OXNAD1: variants seen among roughly 807,000 people sequenced by gnomAD.
OXNAD1 encodes the protein oxidoreductase NAD binding domain containing 1.
In OXNAD1, 34 loss-of-function variants were observed where a neutral mutation model predicts 32.9. The ratio of observed to expected loss-of-function variants is 1.03; its 90% confidence interval spans 0.79 to 1.38. OXNAD1 has a LOEUF of 1.38. Among genes scored for constraint, OXNAD1 ranks in the 40% most tolerant of loss-of-function variants. OXNAD1 has a pLI of 0.00. For synonymous variants in OXNAD1, 134 were observed against 135.2 expected (o/e 0.99, Z 0.06); for missense variants, 407 against 379.4 (o/e 1.07, Z -0.60).
chr3:16,335,351 G>C lies in OXNAD1; in HGVS notation c.*31-1761G>C, dbSNP rs954336723. ...GCTGAGTGGGAAGGAATCAGCCCTT[G>C]GACAATCCTGCATGGGAAACAGGCT... On this transcript the variant is annotated intron_variant, in intron 9 of 9. Coordinates refer to the OXNAD1 transcript ENST00000435829. This position sits in a 1 kb window ranked among gnomAD's most constrained non-coding sequence, Gnocchi z 4.7. Among the ~76,000 whole-genome samples the C allele has an allele frequency of 4.6e-5, 7 of 152,158 alleles. No homozygotes were observed. The highest frequency in any genetic ancestry group is 1.4e-4 in the African/African-American group (6 of 41,424).
At chr3:16,319,873 A>C (rs949075135) in intron 9 of OXNAD1, among the ~76,000 whole-genome samples, 1 of 152,192 alleles carries the variant, frequency 6.6e-6, no homozygotes, top group African/African-American at 2.4e-5. Context: ...AAGGCAGGCA[A>C]GTCCAGCCTG....
In OXNAD1 at chr3:16,334,484, C is replaced by T. The variant is rs1351106442; in HGVS notation, c.*31-2628C>T. 6.6e-6 allele frequency among the ~76,000 whole-genome samples: 1 copy of T among 152,190 alleles called. No homozygotes were observed. Among genetic ancestry groups the T allele is most frequent in the Non-Finnish European group, 1.5e-5 (1 of 68,042 alleles). ...TGGAGAGCGGTCTGCAGTAGCAAGA[C>T]ACTGGAAACTACTCAAGTGCCCATC... On this transcript the variant is annotated intron_variant, in intron 9 of 9. Transcript: ENST00000435829. This position sits in a 1 kb window ranked among gnomAD's most constrained non-coding sequence, Gnocchi z 4.3.
At position 16,322,250 on chromosome 3, in the gene OXNAD1, T is replaced by C. The variant is rs2069147191; in HGVS notation, c.*31-14862T>C. 6.6e-6 allele frequency among the ~76,000 whole-genome samples: 1 copy of C among 152,194 alleles called. No homozygotes were observed. The highest frequency in any genetic ancestry group is 2.1e-4 in the South Asian group (1 of 4,824). On this transcript the variant is annotated intron_variant, in intron 9 of 9. Transcript: ENST00000435829. The surrounding 1 kb of genome is among the most constrained non-coding windows in gnomAD (Gnocchi z 6.2). ...CCTGTCACATTACACCTTCAGAGCCTGGAGAAAGACCTTCCTCCACACTCC... is the reference window on the plus strand; with the variant it reads ...CCTGTCACATTACACCTTCAGAGCCCGGAGAAAGACCTTCCTCCACACTCC...
At position 16,345,791 on chromosome 3, in the gene OXNAD1, T is replaced by TGG. The variant is rs2071625419; in HGVS notation, c.*31-3384_*31-3383insGG. On this transcript the variant is annotated intron_variant, in intron 9 of 9. Transcript: ENST00000606098. The surrounding 1 kb of genome is among the most constrained non-coding windows in gnomAD (Gnocchi z 5.2). The stretch of plus-strand genomic sequence containing the variant: ...GCCAAAACCTTATAATAAATCTCTG[T>TGG]GTGTGTGTGTGTGTGTGTGTGTGTG... 1.7e-5 allele frequency among the ~76,000 whole-genome samples: 1 copy of TGG among 57,486 alleles called. No homozygotes were observed. The highest frequency in any genetic ancestry group is 1.5e-4 in the Admixed American group (1 of 6,892). 37.7% of individuals were successfully genotyped at this position (57,486 alleles called of 152,430 possible).
chr3:16,271,158 C>T lies in OXNAD1; in HGVS notation c.119+87C>T. On this transcript the variant is annotated intron_variant, in intron 3 of 8. Coordinates refer to ENST00000285083, the MANE Select transcript of OXNAD1 (RefSeq NM_138381.5). The surrounding 1 kb of genome is among the most constrained non-coding windows in gnomAD (Gnocchi z 4.6). ...TGGTTGTGGGAGGCATATCAAACTCCCGGAAAGGTAACACCTTAGCTTCAA... is the reference window on the plus strand; with the variant it reads ...TGGTTGTGGGAGGCATATCAAACTCTCGGAAAGGTAACACCTTAGCTTCAA... The T allele has an allele frequency of 1.4e-6, 2 of 1,478,288 alleles. No homozygotes were observed. The highest frequency in any genetic ancestry group is 1.2e-5 in the South Asian group (1 of 80,788). 91.6% of individuals were successfully genotyped at this position (1,478,288 alleles called of 1,614,324 possible).
intron 9 of OXNAD1, chr3:16,347,754 CATTTT>C (rs1174603166): frequency 6.6e-6 from 1 of 152,188 alleles, no homozygotes; most frequent in Non-Finnish European, 1.5e-5. Flanking sequence ...GCACTGTAAG[CATTTT>C]GTTTAAAATT....
chr3:16,330,500 G>C (rs1170294753), intron 9 of OXNAD1, among the ~76,000 whole-genome samples: 2 of 152,198 alleles, frequency 1.3e-5, no homozygotes, highest in East Asian at 3.8e-4. Flanking sequence ...CCAGTGAGGA[G>C]AGAAGAAAGC....
At chr3:16,343,582 C>G (rs1157653860) in intron 9 of OXNAD1, among the ~76,000 whole-genome samples, 1 of 152,218 alleles carries the variant, frequency 6.6e-6, no homozygotes, top group African/African-American at 2.4e-5. Context: ...GAACCTAAGA[C>G]TCTAAGTCAG....
At chr3:16,310,991 C>CAAAAAAAAA (rs1003070321), downstream of OXNAD1, among the ~76,000 whole-genome samples, 20 of 57,554 alleles carry the variant, frequency 3.5e-4, no homozygotes, top group African/African-American at 1.7e-3. Context: ...ACTCAGTCTC[C>CAAAAAAAAA]AAAAAAAAAA....
At chr3:16,323,380 G>T (rs947354084) in intron 9 of OXNAD1, 90 of 1,605,670 alleles carry the variant, frequency 5.6e-5, no homozygotes, top group Non-Finnish European at 5.8e-5. Flanking sequence ...TCTTACCTTC[G>T]ATTCCTTCTT....
Position 16,271,714 on chromosome 3 carries a change from C to T in OXNAD1, c.175C>T (p.Arg59Ter), listed in dbSNP as rs747587030. ...DHMERTASVLRREIVSAAKVC... is the reference protein window; with the variant it reads ...DHMERTASVL The stretch of plus-strand genomic sequence containing the variant: ...CATGGAGAGAACTGCAAGTGTCCTT[C>T]GACGGGAGGTTTGTATCTTTGGGGT... The change falls in exon 4 of 9, where the codon CGA becomes TGA. Residue 59 changes from arginine (R) to a stop codon, truncating the protein, a stop_gained. Transcript: ENST00000285083. LOFTEE classifies it high-confidence loss of function. The surrounding 1 kb of genome is among the most constrained non-coding windows in gnomAD (Gnocchi z 4.6). 18 of 1,607,192 alleles carry T rather than the reference C, an allele frequency of 1.1e-5. No homozygotes were observed. The highest frequency in any genetic ancestry group is 1.1e-4 in the South Asian group (10 of 89,516).
At chr3:16,273,702 T>C (rs1174104447) in intron 4 of OXNAD1, among the ~76,000 whole-genome samples, 1 of 152,222 alleles carries the variant, frequency 6.6e-6, no homozygotes, top group Non-Finnish European at 1.5e-5. Context: ...ATTTTCTTTT[T>C]AACAGATGAA....
rs2065655646 is a variant in OXNAD1, at chr3:16,280,370, A to G, written c.184-5972A>G. Among the ~76,000 whole-genome samples, 1 of 152,218 alleles carries G rather than the reference A, an allele frequency of 6.6e-6. No individual in the cohort carries two copies. Among genetic ancestry groups the G allele is most frequent in the African/African-American group, 2.4e-5 (1 of 41,454 alleles). On this transcript the variant is annotated intron_variant, in intron 4 of 8. Transcript: ENST00000285083. The surrounding 1 kb of genome is among the most constrained non-coding windows in gnomAD (Gnocchi z 4.5). ...ATTCTAGGGCATAGTGTTAACCAGC[A>G]TAAGCCATTTAAGAAGTTAAATTGT...
rs1356075518 is a variant in OXNAD1, at chr3:16,320,231, A to C, written c.*30+16639A>C. On this transcript the variant is annotated intron_variant, in intron 9 of 9. Transcript: ENST00000435829. This position sits in a 1 kb window ranked among gnomAD's most constrained non-coding sequence, Gnocchi z 4.5. ...AGAAATCACCTACTCCCTTTGAAGA[A>C]GTTTAATATTTGCCTTGAAAATCAC... Among the ~76,000 whole-genome samples the C allele has an allele frequency of 6.6e-6, 1 of 152,246 alleles. No homozygotes were observed. The highest frequency in any genetic ancestry group is 1.5e-5 in the Non-Finnish European group (1 of 68,038).
rs746792257 is a variant in OXNAD1, at chr3:16,316,851, GCTCT to G, written c.*30+13262_*30+13265del. On this transcript the variant is annotated intron_variant, in intron 9 of 9. Transcript: ENST00000435829. The surrounding 1 kb of genome is among the most constrained non-coding windows in gnomAD (Gnocchi z 4.5). ...ACTCAGTTTTCTTCAACCGTACCAA[GCTCT>G]CTGACTTCCTCAGCATCCCCGTCCC... The G allele has an allele frequency of 1.2e-6, 2 of 1,614,092 alleles. No homozygotes were observed. The highest frequency in any genetic ancestry group is 2.2e-5 in the South Asian group (2 of 91,088).
intron 9 of OXNAD1, among the ~76,000 whole-genome samples, chr3:16,324,613 A>AACCCCCCCCC (rs1553718056): frequency 1.1e-5 from 1 of 90,800 alleles, no homozygotes; most frequent in East Asian, 3.4e-4. Flanking sequence ...AATGTCCCTG[A>AACCCCCCCCC]CCCCCCCCCT....
At position 16,329,576 on chromosome 3, in the gene OXNAD1, C is replaced by T. The variant is rs374418393; in HGVS notation, c.*31-7536C>T. On this transcript the variant is annotated intron_variant, in intron 9 of 9. Transcript: ENST00000435829. This position sits in a 1 kb window ranked among gnomAD's most constrained non-coding sequence, Gnocchi z 4.5. The stretch of plus-strand genomic sequence containing the variant: ...ACCTCCCTTCCAGACCAGCACAGCC[C>T]GTATTCCTCCTGCTGGGTGCCACGC... Among the ~76,000 whole-genome samples, 13 of 152,264 alleles carry T rather than the reference C, an allele frequency of 8.5e-5. No individual in the cohort carries two copies. Among genetic ancestry groups the T allele is most frequent in the Non-Finnish European group, 1.6e-4 (11 of 68,010 alleles).
At chr3:16,275,103 G>T in intron 4 of OXNAD1, 1 of 168,294 alleles carries the variant, frequency 5.9e-6, no homozygotes, top group South Asian at 1.6e-4. Flanking sequence ...TTTATCATCT[G>T]ACATTTTCTT....
chr3:16,301,827 C>G lies in OXNAD1; in HGVS notation c.634C>G (p.Leu212Val), dbSNP rs149571081. The G allele has an allele frequency of 3.3e-5, 53 of 1,613,950 alleles. No individual in the cohort carries two copies. The highest frequency in any genetic ancestry group is 4.2e-5 in the Non-Finnish European group (50 of 1,179,948). ...RNGYEIGTIKLFYSAKNTSEL... is the reference protein window; with the variant it reads ...RNGYEIGTIKVFYSAKNTSEL... ...TGGATATGAGATAGGAACAATAAAA[C>G]TATTCTACAGTGCAAAAAATACCAG... is the stretch of plus-strand genomic sequence containing the variant. Residue 212 changes from leucine (L) to valine (V), a missense_variant, in exon 7 of 9, where the codon CTA becomes GTA. Leu to Val is a conservative substitution (Grantham distance 32). Coordinates refer to ENST00000285083, the MANE Select transcript of OXNAD1 (RefSeq NM_138381.5). The surrounding 1 kb of genome is among the most constrained non-coding windows in gnomAD (Gnocchi z 4.1).
Sources: allele counts gnomAD v4.1 joint callset (sites outside exome capture counted in the v4.1 genomes callset), GRCh38; gene constraint gnomAD v4.1.1; non-coding constraint Gnocchi (gnomAD v3.1); transcripts MANE v1.5; gene names NCBI Gene and HGNC (gene_info 2026-07-23, HGNC 2026-07-21).